Variants in FAM117A observed in about 807,000 individuals in gnomAD.
FAM117A encodes the protein family with sequence similarity 117 member A.
FAM117A carries 21 observed loss-of-function variants against 44.1 expected under a neutral mutation model. The observed-to-expected ratio is 0.48, with a 90% confidence interval of 0.34 to 0.69. The LOEUF (loss-of-function observed/expected upper bound fraction) is 0.69, where lower values mean the gene tolerates loss of function less well. FAM117A is among the 30% of genes least tolerant of loss of function. The probability of loss-of-function intolerance (pLI) is 0.01; values close to 1 mark genes in which losing one functional copy is unlikely to be tolerated. For missense variants in FAM117A, 498 were observed against 589.9 expected (o/e 0.84, Z 1.61); for synonymous variants, 220 against 238.3 (o/e 0.92, Z 0.71).
intron 2 of FAM117A, among the ~76,000 whole-genome samples, chr17:49,729,819 T>C (rs1334640766): frequency 6.6e-6 from 1 of 152,172 alleles, no homozygotes; most frequent in African/African-American, 2.4e-5. Context: ...AGTCCATTTT[T>C]AACAGCTTAA....
intron 1 of FAM117A, among the ~76,000 whole-genome samples, chr17:49,752,073 T>G (rs1165036748): frequency 1.3e-5 from 2 of 150,880 alleles, no homozygotes; most frequent in African/African-American, 4.9e-5. Flanking sequence ...CTGAGCAACA[T>G]AGTGAGATCC....
At chr17:49,734,222 A>G (rs1234024105) in intron 1 of FAM117A, among the ~76,000 whole-genome samples, 1 of 152,074 alleles carries the variant, frequency 6.6e-6, no homozygotes, top group Non-Finnish European at 1.5e-5. Context: ...GTAATCCCTT[A>G]ATAATTCACA....
chr17:49,711,196 G>T lies in FAM117A; in HGVS notation c.*59C>A, dbSNP rs879708785. 6 of 1,497,730 alleles carry T rather than the reference G, an allele frequency of 4.0e-6. No individual in the cohort carries two copies. The highest frequency in any genetic ancestry group is 1.4e-5 in the African/African-American group (1 of 71,472). The allele number at this position is 1,497,730 out of a possible 1,614,324, so 92.8% of individuals were successfully genotyped here. On this transcript the variant is annotated 3_prime_UTR_variant, in exon 8 of 8. Transcript: ENST00000240364. ...CCATACCCCATCTCAGGGGACCTGGGGAGGGACCTGCCACCAAGGCACTGG... is the reference window on the plus strand; with the variant it reads ...CCATACCCCATCTCAGGGGACCTGGTGAGGGACCTGCCACCAAGGCACTGG...
intron 1 of FAM117A, among the ~76,000 whole-genome samples, chr17:49,780,311 A>T (rs1292019896): frequency 6.6e-6 from 1 of 152,150 alleles, no homozygotes. Context: ...AGTTTGGGAA[A>T]CTTTTTAGTT....
In FAM117A at chr17:49,716,183, C is replaced by T. The variant is rs114872025; in HGVS notation, c.1043G>A (p.Arg348His). 1.3e-5 allele frequency: 21 copies of T among 1,596,458 alleles called. No individual in the cohort carries two copies. In the East Asian group the frequency reaches 1.4e-4, roughly 10 times the overall value. ...TACTCACGTGGCTTCTTCAAACACACGCACTTTCTCACAGCCTTCTGGGGG... is the reference window on the plus strand; with the variant it reads ...TACTCACGTGGCTTCTTCAAACACATGCACTTTCTCACAGCCTTCTGGGGG... ...REPPEGCEKV[R>H]VFEEATSPGP... Residue 348 changes from arginine to histidine, a missense_variant, in exon 7 of 8, where the codon CGT becomes CAT. Around this residue, in one of 3 missense-constraint regions of FAM117A, gnomAD observed 224 missense variants for 296.5 expected, o/e 0.76. Coordinates refer to ENST00000240364, the MANE Select transcript of FAM117A (RefSeq NM_030802.4).
chr17:49,770,269 C>CAAAAAAA (rs57966452), intron 1 of FAM117A, among the ~76,000 whole-genome samples: 2 of 69,816 alleles, frequency 2.9e-5, no homozygotes, highest in Admixed American at 1.7e-4. Context: ...GACTCTGTAT[C>CAAAAAAA]AAAAAAAAAA....
At chr17:49,766,462 T>C (rs1463985109), upstream of FAM117A, among the ~76,000 whole-genome samples, 1 of 152,242 alleles carries the variant, frequency 6.6e-6, no homozygotes, top group Non-Finnish European at 1.5e-5. Context: ...TTGCCCAAGA[T>C]CATCTTAGTA....
At chr17:49,725,625 A>G (rs2073556118) in intron 2 of FAM117A, among the ~76,000 whole-genome samples, 1 of 152,240 alleles carries the variant, frequency 6.6e-6, no homozygotes, top group Non-Finnish European at 1.5e-5. Flanking sequence ...CAGCCAGTGC[A>G]AAGGCCCTGT....
rs371670103 is a variant in FAM117A at position 49,711,384 on chromosome 17, C to T, written c.1233G>A (p.Pro411=). ...TCCGAGGTGGTGGCCTGGGGCTGGC[C>T]GGGGGAAGGGGAGATCCCGGGTTTG... is the stretch of plus-strand genomic sequence containing the variant. ...CPSNPGSPLP[P]ASPRPPPRKD... The change falls in exon 8 of 8, where the codon CCG becomes CCA. Residue 411 remains proline, a synonymous_variant. Coordinates refer to ENST00000240364, the MANE Select transcript of FAM117A (RefSeq NM_030802.4). 3.8e-5 allele frequency: 62 copies of T among 1,611,438 alleles called. No homozygotes were observed. The African/African-American group carries it at 6.4e-4, about 17-fold the overall frequency.
intron 1 of FAM117A, among the ~76,000 whole-genome samples, chr17:49,780,342 G>A (rs2073786142): frequency 6.6e-6 from 1 of 151,474 alleles, no homozygotes; most frequent in African/African-American, 2.4e-5. Flanking sequence ...CACCAGGAAA[G>A]TAGTGTCTAC....
chr17:49,751,350 G>C (rs897997225), intron 1 of FAM117A, among the ~76,000 whole-genome samples: 1 of 151,302 alleles, frequency 6.6e-6, no homozygotes, highest in Non-Finnish European at 1.5e-5. Context: ...GGAGGCCCAG[G>C]CAGGTGGATC....
At chr17:49,752,713 C>T (rs1228344884) in intron 1 of FAM117A, among the ~76,000 whole-genome samples, 1 of 152,136 alleles carries the variant, frequency 6.6e-6, no homozygotes, top group African/African-American at 2.4e-5. Flanking sequence ...GCTGGAAACA[C>T]TCAAAAGCCG....
At chr17:49,783,435 T>G (rs1195977107) in intron 1 of FAM117A, among the ~76,000 whole-genome samples, 2 of 151,910 alleles carry the variant, frequency 1.3e-5, no homozygotes, top group African/African-American at 2.4e-5. Flanking sequence ...TTTCAAAATG[T>G]GGTTATTTGA....
chr17:49,736,450 G>C (rs917371906), intron 1 of FAM117A, among the ~76,000 whole-genome samples: 4 of 151,944 alleles, frequency 2.6e-5, no homozygotes, highest in African/African-American at 9.7e-5. Context: ...GTAGAGACAG[G>C]GTTTCACCAT....
At chr17:49,782,044 T>C (rs1264200815) in intron 1 of FAM117A, among the ~76,000 whole-genome samples, 1 of 151,914 alleles carries the variant, frequency 6.6e-6, no homozygotes, top group Non-Finnish European at 1.5e-5. Context: ...ATAAAATGTA[T>C]GCATGAGGAG....
chr17:49,747,715 C>T (rs1180315010), intron 1 of FAM117A, among the ~76,000 whole-genome samples: 1 of 152,188 alleles, frequency 6.6e-6, no homozygotes, highest in East Asian at 1.9e-4. Flanking sequence ...ACCACAACAT[C>T]CCATCTAGTG....
rs751602289 is a variant in FAM117A, at chr17:49,720,391, T to C, written c.508A>G (p.Ser170Gly). 4 of 1,613,860 alleles carry C rather than the reference T, an allele frequency of 2.5e-6. No homozygotes were observed. In the South Asian group the frequency reaches 4.4e-5, roughly 18 times the overall value. Reference sequence around the variant, plus strand: ...GAACCTCGCTCCTTCTCTTTCCCACTGCGGCTCAGCTTCGTCCTCTGCAGT... The same window carrying C: ...GAACCTCGCTCCTTCTCTTTCCCACCGCGGCTCAGCTTCGTCCTCTGCAGT... ...QQLQRTKLSR[S>G]GKEKERGSPL... Residue 170 changes from serine (S) to glycine (G), a missense_variant, in exon 4 of 8, where the codon AGT (serine) becomes GGT (glycine). By Grantham distance (56) the Ser-to-Gly change is moderately conservative. Transcript: ENST00000240364.
intron 2 of FAM117A, among the ~76,000 whole-genome samples, 181 bp from the exon 3 acceptor site, chr17:49,722,775 G>A (rs916443988): frequency 2.2e-4 from 33 of 152,120 alleles, no homozygotes; most frequent in African/African-American, 6.5e-4. Flanking sequence ...CTCCTTCCCA[G>A]TTCATGTCCT....
intron 7 of FAM117A, among the ~76,000 whole-genome samples, chr17:49,713,620 C>T (rs2073488272): frequency 6.6e-6 from 1 of 152,026 alleles, no homozygotes; most frequent in Admixed American, 6.5e-5. Context: ...AATTCTCCCA[C>T]CTAAGCCTCC....
Sources: allele counts gnomAD v4.1 joint callset (sites outside exome capture counted in the v4.1 genomes callset), GRCh38; gene constraint gnomAD v4.1.1; regional missense constraint gnomAD v4.1.1; transcripts MANE v1.5; gene names NCBI Gene and HGNC (gene_info 2026-07-23, HGNC 2026-07-21).